MIER1: variants seen among roughly 807,000 people sequenced by gnomAD.
MIER1 encodes the protein MIER1 transcriptional regulator, also known as mesoderm induction early response protein 1.
MIER1 carries 40 observed loss-of-function variants against 75.7 expected under a neutral mutation model. The observed-to-expected ratio is 0.53, with a 90% CI of 0.41 to 0.69. The LOEUF (loss-of-function observed/expected upper bound fraction) is 0.69. Among genes scored for constraint, MIER1 ranks in the 30% least tolerant of loss-of-function variants. The pLI is 0.00. For missense variants in MIER1, 574 were observed against 680.2 expected, an observed-to-expected ratio of 0.84 and a Z score of 1.74; for synonymous variants, 213 against 223.4, an observed-to-expected ratio of 0.95 and a Z score of 0.42.
chr1:66,969,545 C>CAAAAAAA (rs35924256), intron 8 of MIER1, among the ~76,000 whole-genome samples: 1 of 63,538 alleles, frequency 1.6e-5, no homozygotes, highest in Non-Finnish European at 2.8e-5. Flanking sequence ...ACTTCGTCTC[C>CAAAAAAA]AAAAAAAAAA....
In MIER1 at chr1:66,930,317, TGA is replaced by T. The variant is rs753069301; in HGVS notation, c.168+4077_168+4078del. 866 of 1,588,426 alleles carry T rather than the reference TGA, an allele frequency of 5.5e-4. 4 individuals are homozygous for T. The highest frequency in any genetic ancestry group is 2.1e-3 in the South Asian group (188 of 88,708). On this transcript the variant is annotated intron_variant, in intron 2 of 13. Transcript: ENST00000401041. ...ACGGCAGCGGCCGGAGTCCCGTTGCTGAGTCTCACATCCGGGTTCTGGCCGTG... is the reference window on the plus strand; with the variant it reads ...ACGGCAGCGGCCGGAGTCCCGTTGCTGTCTCACATCCGGGTTCTGGCCGTG...
intron 2 of MIER1, 84 bp from the exon 3 acceptor site, chr1:66,939,944 A>G (rs535116710): frequency 2.4e-5 from 26 of 1,072,942 alleles, no homozygotes; most frequent in Middle Eastern, 2.0e-4. Flanking sequence ...TTGGCATCAT[A>G]GTAGTCATTG....
intron 3 of MIER1, among the ~76,000 whole-genome samples, chr1:66,943,523 A>G (rs1656740681): frequency 6.6e-6 from 1 of 151,708 alleles, no homozygotes; most frequent in Non-Finnish European, 1.5e-5. Context: ...TCCTTTCCTT[A>G]CTATCTTTTC....
chr1:66,979,858 G>T (rs919590470), intron 12 of MIER1, among the ~76,000 whole-genome samples: 2 of 151,488 alleles, frequency 1.3e-5, no homozygotes, highest in Non-Finnish European at 2.9e-5. Context: ...TCCACCGCCC[G>T]GGTTGAAGTG....
chr1:66,957,285 TGG>T (rs1420655428), intron 4 of MIER1, among the ~76,000 whole-genome samples: 1 of 152,184 alleles, frequency 6.6e-6, no homozygotes, highest in Non-Finnish European at 1.5e-5. Flanking sequence ...CTGATTTTTG[TGG>T]GGATTGAGGG....
At chr1:66,936,236 G>GT (rs967330195) in intron 2 of MIER1, among the ~76,000 whole-genome samples, 32 of 151,470 alleles carry the variant, frequency 2.1e-4, no homozygotes, top group Admixed American at 3.3e-4. Flanking sequence ...TTTTGTTTTT[G>GT]TTTTTTTTGA....
chr1:66,946,746 A>G (rs749179094), intron 4 of MIER1: 57 of 985,566 alleles, frequency 5.8e-5, no homozygotes, highest in Non-Finnish European at 6.0e-5. Flanking sequence ...ACCTCTTCCT[A>G]TCAAGGTGAC....
At chr1:66,969,771 C>T (rs1186370749) in intron 8 of MIER1, among the ~76,000 whole-genome samples, 2 of 152,078 alleles carry the variant, frequency 1.3e-5, no homozygotes, top group African/African-American at 4.8e-5. Flanking sequence ...TTCACCTCTA[C>T]TCTCTAGCTA....
At position 66,951,574 on chromosome 1, in the gene MIER1, T is replaced by G. The variant is rs1262223859; in HGVS notation, c.339+5279T>G. Among the ~76,000 whole-genome samples the G allele has an allele frequency of 1.1e-3, 8 of 7,344 alleles. No individual in the cohort carries two copies. In the East Asian group the frequency reaches 0.065, roughly 60 times the overall value. 4.8% of individuals were successfully genotyped at this position (7,344 alleles called of 152,430 possible). ...CTGCAAATATAGTGTGTATTCCTGT[T>G]TTTTTTTTTTAAGTTAATTTTTTAG... is the stretch of plus-strand genomic sequence containing the variant. On this transcript the variant is annotated intron_variant, in intron 4 of 13. Coordinates refer to ENST00000401041, the MANE Select transcript of MIER1 (RefSeq NM_001077700.3).
At chr1:66,953,379 T>A (rs566364699) in intron 4 of MIER1, among the ~76,000 whole-genome samples, 88 of 152,272 alleles carry the variant, frequency 5.8e-4, no homozygotes, top group African/African-American at 2.0e-3. Context: ...GCAAAATTGA[T>A]TCTGATTTTT....
chr1:66,943,990 A>T (rs1046388553), intron 3 of MIER1, among the ~76,000 whole-genome samples: 5 of 149,316 alleles, frequency 3.3e-5, no homozygotes, highest in Non-Finnish European at 6.0e-5. Context: ...TTGAGTTTTT[A>T]TTTTTTTTTT....
chr1:66,930,813 A>G (rs1653093092), intron 2 of MIER1, among the ~76,000 whole-genome samples: 1 of 151,794 alleles, frequency 6.6e-6, no homozygotes, highest in African/African-American at 2.4e-5. Context: ...ACCCCCATCC[A>G]TTTGCGACTG....
intron 4 of MIER1, among the ~76,000 whole-genome samples, chr1:66,952,767 T>C (rs945367415): frequency 6.6e-6 from 1 of 152,082 alleles, no homozygotes; most frequent in African/African-American, 2.4e-5. Flanking sequence ...TCAGCCCCCC[T>C]AGTAGCTGGG....
rs1050108907 is a variant in MIER1, at chr1:66,984,560, C to T, written c.1370-12C>T. 3 of 1,538,184 alleles carry T rather than the reference C, an allele frequency of 2.0e-6. No homozygotes were observed. Among genetic ancestry groups the T allele is most frequent in the South Asian group, 1.2e-5 (1 of 80,758 alleles). ...TCTAATTGTGGTTTCATTTATATTT[C>T]TTTCAACTTAGGAGTGTCATCTAAT... On this transcript the variant is annotated splice_polypyrimidine_tract_variant and intron_variant, in intron 13 of 13. Coordinates refer to ENST00000401041, the MANE Select transcript of MIER1 (RefSeq NM_001077700.3).
chr1:66,960,438 ATAAT>A (rs1320072129), intron 7 of MIER1, among the ~76,000 whole-genome samples: 1 of 152,192 alleles, frequency 6.6e-6, no homozygotes, highest in Non-Finnish European at 1.5e-5. Context: ...TATATAGCAT[ATAAT>A]TAATCATACA....
At chr1:66,945,944 A>G (rs564697113) in intron 3 of MIER1, among the ~76,000 whole-genome samples, 1 of 152,334 alleles carries the variant, frequency 6.6e-6, no homozygotes, top group African/African-American at 2.4e-5. Context: ...TCATATTTAT[A>G]ACATTATAAA....
In MIER1 at chr1:66,961,864, A is replaced by G. The variant is rs78596399; in HGVS notation, c.700-1224A>G. Among the ~76,000 whole-genome samples the G allele has an allele frequency of 2.9e-4, 44 of 152,356 alleles. 4 individuals are homozygous for G. The East Asian group carries it at 8.5e-3, about 29-fold the overall frequency. ...ATTTGTTGTAAGTTTGATTCTTTTT[A>G]GAAAACTGATCATGAGAAAGATTGG... On this transcript the variant is annotated intron_variant, in intron 7 of 13. Transcript: ENST00000401041.
rs1137656 is a variant in MIER1, at chr1:66,985,919, A to G, written c.*1019A>G. Reference sequence around the variant, plus strand: ...GATTGCAGTTTGTTTTGCATTTGCTATAATTTTCAAAATTATTTTTGAAGC... The same window carrying G: ...GATTGCAGTTTGTTTTGCATTTGCTGTAATTTTCAAAATTATTTTTGAAGC... On this transcript the variant is annotated 3_prime_UTR_variant, in exon 14 of 14. Transcript: ENST00000401041. 2.4e-5 allele frequency: 24 copies of G among 980,482 alleles called. No homozygotes were observed. The highest frequency in any genetic ancestry group is 2.7e-5 in the Non-Finnish European group (22 of 827,316). The allele number at this position is 980,482 out of a possible 1,614,324, so 60.7% of individuals were successfully genotyped here.
At chr1:66,972,257 TATATAG>T (rs200932527) in intron 10 of MIER1, among the ~76,000 whole-genome samples, 5,082 of 69,038 alleles carry the variant, frequency 0.074, 205 homozygotes, top group African/African-American at 0.22. Flanking sequence ...TATATATATA[TATATAG>T]ATATGTAACA....
Sources: gnomAD v4.1 joint callset for allele counts (sites outside exome capture counted in the v4.1 genomes callset) on GRCh38, gnomAD v4.1.1 for gene constraint, MANE v1.5 for transcripts, NCBI Gene and HGNC (gene_info 2026-07-23, HGNC 2026-07-21) for gene names.